ARHGAP21: variants seen among roughly 807,000 people sequenced by gnomAD.
ARHGAP21 encodes the protein rho GTPase-activating protein 21.
A neutral mutation model predicts 164.6 loss-of-function variants in ARHGAP21; 38 were observed. That is an observed-to-expected ratio of 0.23 (90% CI 0.18 to 0.30). The LOEUF (loss-of-function observed/expected upper bound fraction) is 0.30, where lower values mean the gene tolerates loss of function less well. Ranked by LOEUF, ARHGAP21 falls within the 10% of genes least tolerant of loss-of-function variation. The pLI, the probability that ARHGAP21 is intolerant of heterozygous loss-of-function variation, is 1.00. For missense variants in ARHGAP21, 1,822 were observed against 2,370.7 expected (o/e 0.77, Z 4.81); for synonymous variants, 766 against 857.9 (o/e 0.89, Z 1.87).
At chr10:24,721,668 G>T (rs575423593) in intron 2 of ARHGAP21, among the ~76,000 whole-genome samples, 169 bp downstream of exon 2, 1 of 152,344 alleles carries the variant, frequency 6.6e-6, no homozygotes. Flanking sequence ...GGAAACAGAC[G>T]TGGGCCAGGC....
intron 22 of ARHGAP21, 66 bp downstream of exon 22, chr10:24,591,821 G>A (rs767519589): frequency 4.4e-6 from 7 of 1,590,668 alleles, no homozygotes; most frequent in Non-Finnish European, 6.0e-6. Context: ...AATAGCGGCT[G>A]CCCGTGAAAA....
intron 19 of ARHGAP21, 57 bp downstream of exon 19, chr10:24,595,660 T>A: frequency 1.3e-6 from 2 of 1,524,126 alleles, no homozygotes; most frequent in African/African-American, 2.8e-5. Flanking sequence ...TATTCTATGG[T>A]TTTCCAATTG....
chr10:24,681,726 T>C (rs1841778531), intron 2 of ARHGAP21, among the ~76,000 whole-genome samples: 1 of 152,200 alleles, frequency 6.6e-6, no homozygotes, highest in Non-Finnish European at 1.5e-5. Flanking sequence ...GCCAGTTTCA[T>C]GGTGATGCAA....
Position 24,584,444 on chromosome 10 carries a change from C to CT in ARHGAP21, c.5844dup (p.Gly1949ArgfsTer3), listed in dbSNP as rs750741545. The CT allele has an allele frequency of 6.8e-6, 11 of 1,612,516 alleles. No homozygotes were observed. Among genetic ancestry groups the CT allele is most frequent in the Middle Eastern group, 1.7e-4 (1 of 6,044 alleles). The stretch of plus-strand genomic sequence containing the variant: ...CAGGGATGAAACTCTGCTTTACTGC[C>CT]TGGGGTTTCAGACAGTTTATGAGGT... On this transcript the variant is annotated frameshift_variant, in exon 26 of 26. Coordinates refer to ENST00000396432, the MANE Select transcript of ARHGAP21 (RefSeq NM_020824.4). LOFTEE classifies it high-confidence loss of function.
At position 24,620,577 on chromosome 10, in the gene ARHGAP21, G is replaced by A; in HGVS notation, c.1318C>T (p.Arg440Ter). The A allele has an allele frequency of 6.2e-7, 1 of 1,614,148 alleles. No homozygotes were observed. The highest frequency in any genetic ancestry group is 8.5e-7 in the Non-Finnish European group (1 of 1,180,034). Residue 440 changes from arginine (R) to a stop codon, truncating the protein, a stop_gained, in exon 9 of 26, where the codon CGA (arginine) becomes TGA (stop). Coordinates refer to ENST00000396432, the MANE Select transcript of ARHGAP21 (RefSeq NM_020824.4). LOFTEE classifies it high-confidence loss of function. ...PNRTTLQGRR[R>*]STSHDRVPQS... Reference sequence around the variant, plus strand: ...GGCACTCGATCATGAGAGGTGCTTCGACGTCGTCCCTGCAAAGTAGTGCGG... The same window carrying A: ...GGCACTCGATCATGAGAGGTGCTTCAACGTCGTCCCTGCAAAGTAGTGCGG...
chr10:24,600,862 C>G lies in ARHGAP21; in HGVS notation c.2916G>C (p.Leu972=). The part of the protein sequence containing the change: ...YVVLRGHSLY[L]YKDKREQTTP... ...TCGTCTGCTCTCTTTTATCTTTGTACAGGTAAAGTGAATGACCCCGAAGGA... is the reference window on the plus strand; with the variant it reads ...TCGTCTGCTCTCTTTTATCTTTGTAGAGGTAAAGTGAATGACCCCGAAGGA... The change falls in exon 14 of 26, where the codon CTG becomes CTC. Residue 972 remains leucine (L), a synonymous_variant. Coordinates refer to ENST00000396432, the MANE Select transcript of ARHGAP21 (RefSeq NM_020824.4). 1 of 1,614,210 alleles carries G rather than the reference C, an allele frequency of 6.2e-7. No homozygotes were observed. Among genetic ancestry groups the G allele is most frequent in the Non-Finnish European group, 8.5e-7 (1 of 1,180,004 alleles).
chr10:24,714,905 C>A (rs923697192), intron 2 of ARHGAP21, among the ~76,000 whole-genome samples: 5 of 151,952 alleles, frequency 3.3e-5, no homozygotes, highest in Non-Finnish European at 5.9e-5. Context: ...TGGCGGGCGC[C>A]TGTAGTCCCA....
At chr10:24,617,003 C>T (rs1376797618) in intron 9 of ARHGAP21, among the ~76,000 whole-genome samples, 1 of 152,112 alleles carries the variant, frequency 6.6e-6, no homozygotes, top group Non-Finnish European at 1.5e-5. Context: ...TCCTCAACTC[C>T]TGCGCTGCAG....
At chr10:24,642,770 C>T (rs1249223971) in intron 4 of ARHGAP21, among the ~76,000 whole-genome samples, 1 of 152,182 alleles carries the variant, frequency 6.6e-6, no homozygotes, top group African/African-American at 2.4e-5. Flanking sequence ...AGTGCCTTAA[C>T]AAGTAGCCCA....
chr10:24,698,885 T>A (rs915759434), intron 2 of ARHGAP21, among the ~76,000 whole-genome samples: 1 of 152,252 alleles, frequency 6.6e-6, no homozygotes, highest in Non-Finnish European at 1.5e-5. Context: ...TCAATGTTTA[T>A]AATTAGATTG....
At chr10:24,632,233 T>C (rs1046906212) in intron 6 of ARHGAP21, among the ~76,000 whole-genome samples, 3 of 152,236 alleles carry the variant, frequency 2.0e-5, no homozygotes, top group African/African-American at 4.8e-5. Flanking sequence ...AGAATCAATG[T>C]AGATTTTGAA....
At chr10:24,684,967 T>C (rs1842088534) in intron 2 of ARHGAP21, among the ~76,000 whole-genome samples, 1 of 152,180 alleles carries the variant, frequency 6.6e-6, no homozygotes, top group South Asian at 2.1e-4. Flanking sequence ...TAATGACTGA[T>C]ATTCGGACTG....
chr10:24,718,319 T>C (rs1406465455), intron 2 of ARHGAP21, among the ~76,000 whole-genome samples: 1 of 151,888 alleles, frequency 6.6e-6, no homozygotes, highest in Non-Finnish European at 1.5e-5. Context: ...CCCCCAAAAG[T>C]GTTCGGTAAA....
intron 4 of ARHGAP21, among the ~76,000 whole-genome samples, chr10:24,643,971 C>T (rs1837323226): frequency 1.3e-5 from 2 of 152,114 alleles, no homozygotes; most frequent in South Asian, 4.1e-4. Context: ...CGGCCTCCCA[C>T]CCAAAGTGCT....
At chr10:24,684,222 G>A (rs1203313267) in intron 2 of ARHGAP21, among the ~76,000 whole-genome samples, 1 of 152,056 alleles carries the variant, frequency 6.6e-6, no homozygotes, top group Non-Finnish European at 1.5e-5. Flanking sequence ...GGGAGGCAGA[G>A]GTTGCAGTGA....
chr10:24,601,921 GTTTA>G lies in ARHGAP21; in HGVS notation c.2847+53_2847+56del, dbSNP rs923485615. On this transcript the variant is annotated intron_variant, in intron 13 of 25. Coordinates refer to ENST00000396432, the MANE Select transcript of ARHGAP21 (RefSeq NM_020824.4). The stretch of plus-strand genomic sequence containing the variant: ...CCATTTTATGTATACAGGCTTTATG[GTTTA>G]TTTGTCAGGGTCTGCATTTCTGACA... The G allele has an allele frequency of 2.4e-5, 34 of 1,435,160 alleles. 1 individual carries two copies. In the African/African-American group the frequency reaches 3.9e-4, roughly 17 times the overall value. The allele number at this position is 1,435,160 out of a possible 1,614,324, so 88.9% of individuals were successfully genotyped here. A position where few individuals can be genotyped will look rare whatever the true frequency, so the allele number is the denominator to read the frequency against.
intron 24 of ARHGAP21, chr10:24,590,388 GTCCTCCTTCT>G (rs2076279112): frequency 1.3e-6 from 2 of 1,535,260 alleles, no homozygotes. Flanking sequence ...GTGGACAACA[GTCCTCCTTCT>G]TCCTACAGTT....
chr10:24,664,881 T>G (rs1336497118), intron 4 of ARHGAP21, among the ~76,000 whole-genome samples: 1 of 152,160 alleles, frequency 6.6e-6, no homozygotes. Flanking sequence ...ATATTCAAGT[T>G]TATTCTCCCT....
In ARHGAP21 at chr10:24,621,192, G is replaced by T. The variant is rs778887945; in HGVS notation, c.703C>A (p.Pro235Thr). The T allele has an allele frequency of 3.7e-6, 6 of 1,613,862 alleles. No individual in the cohort carries two copies. The Admixed American group carries it at 8.3e-5, about 22-fold the overall frequency. The change falls in exon 9 of 26, where the codon CCA (proline) becomes ACA (threonine). Residue 235 changes from proline to threonine, a missense_variant. By Grantham distance (38) the Pro-to-Thr change is conservative. Around this residue, in one of 5 missense-constraint regions of ARHGAP21, gnomAD observed 1,090 missense variants for 1,378.9 expected, o/e 0.79. Coordinates refer to ENST00000396432, the MANE Select transcript of ARHGAP21 (RefSeq NM_020824.4). ...GCCCTACCAGGTTGTGTCAGTACTGGTGTACTGGTTTGCTGTTTGCTCAAT... is the reference window on the plus strand; with the variant it reads ...GCCCTACCAGGTTGTGTCAGTACTGTTGTACTGGTTTGCTGTTTGCTCAAT... ...SSLSKQQTST[P>T]VLTQPGRAYR...
Sources: gnomAD v4.1 joint callset for allele counts (sites outside exome capture counted in the v4.1 genomes callset) on GRCh38, gnomAD v4.1.1 for gene constraint, gnomAD v4.1.1 regional missense constraint, MANE v1.5 for transcripts, NCBI Gene and HGNC (gene_info 2026-07-23, HGNC 2026-07-21) for gene names.